Variants in LRRC3B observed in about 807,000 individuals in gnomAD.
LRRC3B encodes the protein leucine rich repeat containing 3B.
In LRRC3B, 2 loss-of-function variants were observed where a neutral mutation model predicts 12.8. The observed-to-expected ratio is 0.16, with a 90% CI of 0.06 to 0.49. LRRC3B has a LOEUF of 0.49. Ranked by LOEUF, LRRC3B falls within the 20% of genes least tolerant of loss-of-function variation. LRRC3B has a pLI of 0.96. For missense variants in LRRC3B, 189 were observed against 319.4 expected (o/e 0.59, Z 3.11); for synonymous variants, 132 against 122.0 (o/e 1.08, Z -0.54).
In LRRC3B at chr3:26,676,338, G is replaced by A. The variant is rs531256306; in HGVS notation, c.-160-33175G>A. 2.1e-4 allele frequency among the ~76,000 whole-genome samples: 31 copies of A among 149,300 alleles called. No homozygotes were observed. The East Asian group carries it at 6.0e-3, about 29-fold the overall frequency. On this transcript the variant is annotated intron_variant, in intron 1 of 1. Coordinates refer to ENST00000396641, the Ensembl canonical transcript of LRRC3B. ...TATGAGTGAGAACATGCAGTGTTTGGTTTTTTTGTCCTTGCGATAGTTTGC... is the reference window on the plus strand; with the variant it reads ...TATGAGTGAGAACATGCAGTGTTTGATTTTTTTGTCCTTGCGATAGTTTGC...
intron 1 of LRRC3B, among the ~76,000 whole-genome samples, chr3:26,641,027 G>A (rs1699020085): frequency 6.6e-6 from 1 of 152,210 alleles, no homozygotes. Context: ...TGTTTGGAAT[G>A]CAAAGGTCTG....
chr3:26,676,499 C>G (rs1348073780), intron 1 of LRRC3B, among the ~76,000 whole-genome samples: 5 of 151,804 alleles, frequency 3.3e-5, no homozygotes, highest in Non-Finnish European at 7.4e-5. Context: ...GGACCATAAT[C>G]ACTGGCCATC....
intron 1 of LRRC3B, among the ~76,000 whole-genome samples, chr3:26,639,834 T>C (rs1000378663): frequency 2.6e-5 from 4 of 152,168 alleles, no homozygotes; most frequent in African/African-American, 9.7e-5. Context: ...CCACCTTCTC[T>C]TTAGAATCCT....
At chr3:26,680,132 C>G (rs1013133173) in intron 1 of LRRC3B, among the ~76,000 whole-genome samples, 2 of 152,158 alleles carry the variant, frequency 1.3e-5, no homozygotes, top group Admixed American at 6.5e-5. Flanking sequence ...CTAGGACTCT[C>G]CCAGGTGATG....
intron 1 of LRRC3B, among the ~76,000 whole-genome samples, chr3:26,640,596 C>T (rs1272583612): frequency 6.6e-6 from 1 of 152,178 alleles, no homozygotes; most frequent in African/African-American, 2.4e-5. Flanking sequence ...TTTGCCTCCC[C>T]TCTGTCAGGG....
At chr3:26,678,635 A>C in intron 1 of LRRC3B, among the ~76,000 whole-genome samples, 1 of 152,196 alleles carries the variant, frequency 6.6e-6, no homozygotes, top group East Asian at 1.9e-4. Context: ...GAGAAGCATG[A>C]TGCTGGTTCT....
chr3:26,661,348 A>G (rs964840079), intron 1 of LRRC3B, among the ~76,000 whole-genome samples: 3 of 152,168 alleles, frequency 2.0e-5, no homozygotes, highest in African/African-American at 4.8e-5. Flanking sequence ...TTGTTCCTCC[A>G]TGCTTAAATT....
intron 1 of LRRC3B, among the ~76,000 whole-genome samples, chr3:26,679,583 T>C (rs1699928812): frequency 1.3e-5 from 2 of 152,242 alleles, no homozygotes; most frequent in African/African-American, 4.8e-5. Flanking sequence ...GGGAGGCTTC[T>C]ACTAACCTTC....
chr3:26,706,942 T>TAACA (rs1205751593), intron 1 of LRRC3B, among the ~76,000 whole-genome samples: 1 of 152,206 alleles, frequency 6.6e-6, no homozygotes, highest in Non-Finnish European at 1.5e-5. Context: ...TTTATTCATA[T>TAACA]AACATATTTA....
intron 1 of LRRC3B, among the ~76,000 whole-genome samples, chr3:26,676,034 G>C (rs1699852666): frequency 6.7e-6 from 1 of 149,592 alleles, no homozygotes; most frequent in Admixed American, 6.7e-5. Flanking sequence ...AAGAGTGTTG[G>C]CCAGTTACTT....
At chr3:26,702,936 G>C (rs577174542) in intron 1 of LRRC3B, among the ~76,000 whole-genome samples, 1 of 152,210 alleles carries the variant, frequency 6.6e-6, no homozygotes, top group South Asian at 2.1e-4. Context: ...TTTTACTTTT[G>C]GGTATGCAAA....
At chr3:26,689,086 C>T (rs1390492512) in intron 1 of LRRC3B, among the ~76,000 whole-genome samples, 2 of 152,182 alleles carry the variant, frequency 1.3e-5, no homozygotes, top group Non-Finnish European at 2.9e-5. Context: ...GTTTCCTAGA[C>T]TCCAGGGAGT....
chr3:26,688,991 C>T (rs191660177), intron 1 of LRRC3B, among the ~76,000 whole-genome samples: 16 of 152,276 alleles, frequency 1.1e-4, no homozygotes, highest in African/African-American at 3.1e-4. Flanking sequence ...CAGCTTTTAA[C>T]GTCACCAAGG....
chr3:26,644,269 T>C (rs1269602337), intron 1 of LRRC3B, among the ~76,000 whole-genome samples: 2 of 152,242 alleles, frequency 1.3e-5, no homozygotes, highest in African/African-American at 4.8e-5. Flanking sequence ...ATTGTGTTGA[T>C]GAGGCTTTTG....
At position 26,648,085 on chromosome 3, in the gene LRRC3B, G is replaced by T. The variant is rs181641005; in HGVS notation, c.-161+24848G>T. On this transcript the variant is annotated intron_variant, in intron 1 of 1. Transcript: ENST00000396641. ...CCATGTATGGTATAAAAAGTTTGGG[G>T]TTTTTTTTTTTCATCTACTTACCTT... 2.5e-3 allele frequency among the ~76,000 whole-genome samples: 362 copies of T among 146,012 alleles called. 5 individuals are homozygous for T. In the East Asian group the frequency reaches 0.033, roughly 13 times the overall value.
At position 26,691,033 on chromosome 3, in the gene LRRC3B, A is replaced by G. The variant is rs139393596; in HGVS notation, c.-160-18480A>G. On this transcript the variant is annotated intron_variant, in intron 1 of 1. Transcript: ENST00000396641. ...CTTTTATATACTTACATATATATATATGTGTGTATATATGTATATATGTAC... is the reference window on the plus strand; with the variant it reads ...CTTTTATATACTTACATATATATATGTGTGTGTATATATGTATATATGTAC... Among the ~76,000 whole-genome samples, 350 of 146,366 alleles carry G rather than the reference A, an allele frequency of 2.4e-3. 4 individuals carry two copies. The East Asian group carries it at 0.029, about 12-fold the overall frequency.
At chr3:26,668,948 C>G (rs928238302) in intron 1 of LRRC3B, among the ~76,000 whole-genome samples, 1 of 152,108 alleles carries the variant, frequency 6.6e-6, no homozygotes, top group African/African-American at 2.4e-5. Context: ...CTCTGGGGAG[C>G]TATGGATTGC....
At chr3:26,685,635 CTATA>C (rs1320563737) in intron 1 of LRRC3B, among the ~76,000 whole-genome samples, 1 of 103,982 alleles carries the variant, frequency 9.6e-6, no homozygotes, top group African/African-American at 3.3e-5. Flanking sequence ...ATATATATAT[CTATA>C]TACCTCATTT....
At chr3:26,639,592 C>G (rs1000432640) in intron 1 of LRRC3B, among the ~76,000 whole-genome samples, 10 of 150,568 alleles carry the variant, frequency 6.6e-5, no homozygotes, top group African/African-American at 9.8e-5. Context: ...CTCAGTCACA[C>G]TAGCTACATT....
Sources: gnomAD v4.1 joint callset for allele counts (sites outside exome capture counted in the v4.1 genomes callset) on GRCh38, gnomAD v4.1.1 for gene constraint, MANE v1.5 for transcripts, NCBI Gene and HGNC (gene_info 2026-07-23, HGNC 2026-07-21) for gene names.